TRHDE: variants seen among roughly 807,000 people sequenced by gnomAD.
TRHDE encodes thyrotropin-releasing hormone-degrading ectoenzyme.
TRHDE carries 72 observed loss-of-function variants against 125.7 expected under a neutral mutation model. That is an observed-to-expected ratio of 0.57 (90% CI 0.47 to 0.70). TRHDE has a LOEUF of 0.70. Ranked by LOEUF, TRHDE falls within the 30% of genes least tolerant of loss-of-function variation. The pLI is 0.00. For synonymous variants in TRHDE, 509 were observed against 509.1 expected (o/e 1.00, Z 0.00); for missense variants, 1,110 against 1,327.1 (o/e 0.84, Z 2.54).
At chr12:72,165,247 A>G (rs1452510611) in intron 2 of TRHDE, among the ~76,000 whole-genome samples, 2 of 152,194 alleles carry the variant, frequency 1.3e-5, no homozygotes, top group Non-Finnish European at 1.5e-5. Context: ...TATTCATTCT[A>G]GTATACCATC....
chr12:72,480,014 A>G (rs1468759314), intron 5 of TRHDE, among the ~76,000 whole-genome samples: 5 of 150,624 alleles, frequency 3.3e-5, no homozygotes, highest in African/African-American at 1.2e-4. Flanking sequence ...ATGGCTGCAT[A>G]GTATTCCATG....
At chr12:72,432,083 T>G (rs897769012) in intron 3 of TRHDE, 1 of 153,014 alleles carries the variant, frequency 6.5e-6, no homozygotes, top group Non-Finnish European at 1.5e-5. Flanking sequence ...GTATAGAGAC[T>G]TCCTTTCTTA....
rs35438089 is a variant in TRHDE at position 72,545,601 on chromosome 12, ATT to A, written c.1788+3247_1788+3248del. Among the ~76,000 whole-genome samples, 110 of 151,684 alleles carry A rather than the reference ATT, an allele frequency of 7.3e-4. 1 individual carries two copies. The highest frequency in any genetic ancestry group is 2.6e-3 in the African/African-American group (109 of 41,478). Reference sequence around the variant, plus strand: ...ACTCCCTTTTTTTGAATCTTTAATCATTTGAATATTTAGACTGTATTATATGA... The same window carrying A: ...ACTCCCTTTTTTTGAATCTTTAATCATGAATATTTAGACTGTATTATATGA... On this transcript the variant is annotated intron_variant, in intron 7 of 18. Transcript: ENST00000261180.
At chr12:72,494,501 T>C (rs1877818641) in intron 5 of TRHDE, among the ~76,000 whole-genome samples, 1 of 152,054 alleles carries the variant, frequency 6.6e-6, no homozygotes, top group Non-Finnish European at 1.5e-5. Context: ...GTTGGTTGTT[T>C]TTTTTGGTGA....
chr12:72,400,570 G>A (rs2135802286), intron 3 of TRHDE, among the ~76,000 whole-genome samples: 1 of 152,220 alleles, frequency 6.6e-6, no homozygotes, highest in East Asian at 1.9e-4. Flanking sequence ...TGAGGACTTT[G>A]CAGAGATACT....
chr12:72,110,144 A>T (rs2139294603), intron 2 of TRHDE, among the ~76,000 whole-genome samples: 1 of 152,244 alleles, frequency 6.6e-6, no homozygotes, highest in South Asian at 2.1e-4. Context: ...GAGGTTAACA[A>T]AATAGGAAAA....
At chr12:72,319,985 T>C (rs1239524994) in intron 2 of TRHDE, among the ~76,000 whole-genome samples, 1 of 91,372 alleles carries the variant, frequency 1.1e-5, no homozygotes, top group Non-Finnish European at 2.9e-5. Context: ...CATTTAATTA[T>C]GGTACTGATA....
At chr12:72,372,513 A>G (rs1871654082) in intron 2 of TRHDE, among the ~76,000 whole-genome samples, 1 of 152,128 alleles carries the variant, frequency 6.6e-6, no homozygotes, top group Non-Finnish European at 1.5e-5. Flanking sequence ...TAGGGTTTTT[A>G]TGGTTTTAGG....
chr12:72,446,932 C>T (rs1006929518), intron 3 of TRHDE, among the ~76,000 whole-genome samples: 18 of 152,150 alleles, frequency 1.2e-4, no homozygotes, highest in Middle Eastern at 6.8e-3. Context: ...CTTTAACACC[C>T]GACTGTCAAC....
At chr12:72,317,767 G>C (rs1242454813) in intron 2 of TRHDE, among the ~76,000 whole-genome samples, 3 of 152,286 alleles carry the variant, frequency 2.0e-5, no homozygotes, top group Middle Eastern at 3.4e-3. Context: ...TAAGAGAAGG[G>C]GGGAATTATA....
At chr12:72,117,119 T>C (rs191471140) in intron 2 of TRHDE, among the ~76,000 whole-genome samples, 18 of 152,308 alleles carry the variant, frequency 1.2e-4, no homozygotes, top group Non-Finnish European at 2.5e-4. Flanking sequence ...CATTTTTTCA[T>C]TGGTTGCCTG....
At chr12:72,405,537 C>T (rs1436079083) in intron 3 of TRHDE, among the ~76,000 whole-genome samples, 1 of 152,184 alleles carries the variant, frequency 6.6e-6, no homozygotes, top group Non-Finnish European at 1.5e-5. Context: ...TTAAGTCTCT[C>T]TCATTGAAAG....
chr12:72,463,873 A>C (rs1221503588), intron 3 of TRHDE, among the ~76,000 whole-genome samples: 1 of 152,192 alleles, frequency 6.6e-6, no homozygotes, highest in African/African-American at 2.4e-5. Context: ...CTAATGCTGG[A>C]GACTGGATTT....
intron 6 of TRHDE, among the ~76,000 whole-genome samples, chr12:72,520,268 G>C (rs1323686329): frequency 6.6e-6 from 1 of 152,202 alleles, no homozygotes. Context: ...TTTGATCTCA[G>C]ACTGCTGTGC....
intron 12 of TRHDE, among the ~76,000 whole-genome samples, chr12:72,583,533 T>A (rs928796457): frequency 1.3e-5 from 2 of 152,176 alleles, no homozygotes; most frequent in African/African-American, 2.4e-5. Flanking sequence ...TATTTAAAAA[T>A]TCATATCCAA....
chr12:72,409,948 T>G (rs145664220), intron 3 of TRHDE, among the ~76,000 whole-genome samples: 1 of 152,070 alleles, frequency 6.6e-6, no homozygotes, highest in Non-Finnish European at 1.5e-5. Context: ...ATTAAAATAC[T>G]ATAAAACTAT....
At chr12:72,199,469 A>G (rs1877511571) in intron 2 of TRHDE, among the ~76,000 whole-genome samples, 1 of 152,136 alleles carries the variant, frequency 6.6e-6, no homozygotes, top group African/African-American at 2.4e-5. Context: ...AACTACCTGG[A>G]AACTATTGAT....
At position 72,123,850 on chromosome 12, in the gene TRHDE, C is replaced by CA. The variant is rs529526337; in HGVS notation, n.279+18099dup. ...TTACAATCATCCTTCCCCAGGCAGC[C>CA]ACTGATCTATTTTATAACTTTGTGT... On this transcript the variant is annotated intron_variant and non_coding_transcript_variant, in intron 2 of 4. Transcript: ENST00000548156. 1.4e-3 allele frequency among the ~76,000 whole-genome samples: 210 copies of CA among 152,156 alleles called. 1 individual carries two copies. The highest frequency in any genetic ancestry group is 4.6e-3 in the African/African-American group (192 of 41,510).
At chr12:72,605,457 A>G (rs891470856) in intron 12 of TRHDE, among the ~76,000 whole-genome samples, 12 of 152,094 alleles carry the variant, frequency 7.9e-5, no homozygotes, top group African/African-American at 2.7e-4. Context: ...CCAAAAATCT[A>G]ATATTCCTGC....
Sources: allele counts gnomAD v4.1 joint callset (sites outside exome capture counted in the v4.1 genomes callset), GRCh38; gene constraint gnomAD v4.1.1; transcripts MANE v1.5; gene names NCBI Gene and HGNC (gene_info 2026-07-23, HGNC 2026-07-21).